Variants in ZNF521 observed in about 807,000 individuals in gnomAD.
The protein encoded by ZNF521 is LYST-interacting protein 3.
In ZNF521, 14 loss-of-function variants were observed where a neutral mutation model predicts 105.5. The observed-to-expected ratio is 0.13, with a 90% CI of 0.09 to 0.21. The LOEUF (loss-of-function observed/expected upper bound fraction) is 0.21. ZNF521 is among the 10% of genes least tolerant of loss of function. The pLI is 1.00. For missense variants in ZNF521, 1,233 were observed against 1,629.7 expected (o/e 0.76, Z 4.19); for synonymous variants, 635 against 606.0 (o/e 1.05, Z -0.70).
intron 5 of ZNF521, among the ~76,000 whole-genome samples, chr18:25,154,790 G>A (rs2035111811): frequency 2.0e-5 from 3 of 152,150 alleles, no homozygotes; most frequent in Admixed American, 1.3e-4. Context: ...GATGACTCAT[G>A]CATTGATGAA....
intron 4 of ZNF521, among the ~76,000 whole-genome samples, chr18:25,209,664 C>T (rs1289126688): frequency 6.6e-6 from 1 of 152,118 alleles, no homozygotes; most frequent in Admixed American, 6.6e-5. Flanking sequence ...CTTTCATGTC[C>T]AATTTTTACT....
chr18:25,075,149 G>A (rs1218018350), intron 7 of ZNF521, among the ~76,000 whole-genome samples: 1 of 152,112 alleles, frequency 6.6e-6, no homozygotes, highest in Admixed American at 6.5e-5. Flanking sequence ...GCCAGGCAAC[G>A]GGAGGCCTCA....
intron 2 of ZNF521, chr18:25,322,471 TC>T (rs1402386423): frequency 7.3e-6 from 3 of 412,442 alleles, no homozygotes; most frequent in Non-Finnish European, 9.0e-6. Flanking sequence ...ACCATTTTTT[TC>T]ATAGCCTTTT....
chr18:25,188,348 C>T (rs1328585950), intron 5 of ZNF521, among the ~76,000 whole-genome samples: 1 of 152,112 alleles, frequency 6.6e-6, no homozygotes, highest in Admixed American at 6.5e-5. Flanking sequence ...CATATTGGCT[C>T]CCTTTCCTTT....
chr18:25,282,440 G>A (rs996730408), intron 3 of ZNF521, among the ~76,000 whole-genome samples: 28 of 152,142 alleles, frequency 1.8e-4, no homozygotes, highest in Admixed American at 6.6e-4. Context: ...CCTTAGGGGA[G>A]GCAGCACCCG....
intron 5 of ZNF521, among the ~76,000 whole-genome samples, chr18:25,134,036 C>G (rs924335098): frequency 6.6e-6 from 1 of 152,132 alleles, no homozygotes; most frequent in South Asian, 2.1e-4. Flanking sequence ...TATTACTACA[C>G]TCTTTTGGTG....
At chr18:25,252,571 A>G (rs1908193316) in intron 3 of ZNF521, among the ~76,000 whole-genome samples, 1 of 151,962 alleles carries the variant, frequency 6.6e-6, no homozygotes, top group Admixed American at 6.6e-5. Flanking sequence ...ATAAAATACC[A>G]TAGGCTAGGA....
intron 5 of ZNF521, among the ~76,000 whole-genome samples, chr18:25,121,111 ATTTTTT>A (rs5823467): frequency 8.4e-6 from 1 of 118,678 alleles, no homozygotes; most frequent in Non-Finnish European, 1.7e-5. Context: ...AAGAAGGAGT[ATTTTTT>A]TTTTTTTTTT....
At chr18:25,210,435 A>G (rs924390764) in intron 4 of ZNF521, among the ~76,000 whole-genome samples, 5 of 152,200 alleles carry the variant, frequency 3.3e-5, no homozygotes, top group African/African-American at 1.2e-4. Context: ...AGACTCAGTT[A>G]AAGGTTTGCT....
chr18:25,341,118 T>A (rs1222949652), intron 2 of ZNF521, among the ~76,000 whole-genome samples: 1 of 152,188 alleles, frequency 6.6e-6, no homozygotes, highest in Non-Finnish European at 1.5e-5. Flanking sequence ...ACACCCAATA[T>A]CATTATCCTT....
intron 5 of ZNF521, among the ~76,000 whole-genome samples, chr18:25,139,617 G>C (rs1401750679): frequency 6.6e-6 from 1 of 151,952 alleles, no homozygotes; most frequent in Non-Finnish European, 1.5e-5. Flanking sequence ...AATGTTACCT[G>C]ACCTGCCCAT....
rs552741352 is a variant in ZNF521, at chr18:25,281,848, TA to T, written c.220+40159del. On this transcript the variant is annotated intron_variant, in intron 3 of 7. Coordinates refer to ENST00000361524, the MANE Select transcript of ZNF521 (RefSeq NM_015461.3). ...TATCTTACCAGGCAAGTGGCTAGAA[TA>T]AAGCATGCGGTCAAAAATAACGGAA... Among the ~76,000 whole-genome samples the T allele has an allele frequency of 5.0e-3, 765 of 152,050 alleles. 5 individuals are homozygous for T. The highest frequency in any genetic ancestry group is 0.01 in the Middle Eastern group (3 of 294).
chr18:25,191,939 C>T (rs1568002448), intron 5 of ZNF521, among the ~76,000 whole-genome samples: 1 of 152,082 alleles, frequency 6.6e-6, no homozygotes, highest in Non-Finnish European at 1.5e-5. Context: ...GAAATTAAAG[C>T]ACGTAATACA....
chr18:25,130,948 A>C lies in ZNF521; in HGVS notation c.3659-38867T>G, dbSNP rs531397912. Among the ~76,000 whole-genome samples the C allele has an allele frequency of 9.4e-5, 7 of 74,738 alleles. No homozygotes were observed. In the South Asian group the frequency reaches 2.7e-3, roughly 28 times the overall value. 49.0% of individuals were successfully genotyped at this position (74,738 alleles called of 152,430 possible). A position where few individuals can be genotyped will look rare whatever the true frequency, so the allele number is the denominator to read the frequency against. On this transcript the variant is annotated intron_variant, in intron 5 of 7. Transcript: ENST00000361524. Reference sequence around the variant, plus strand: ...AAAGAATGAGATCCTGTCTCTAAAAATCAATCAATCAATCAATCAATCAAT... The same window carrying C: ...AAAGAATGAGATCCTGTCTCTAAAACTCAATCAATCAATCAATCAATCAAT...
At position 25,211,509 on chromosome 18, in the gene ZNF521, T is replaced by C. The variant is rs186098671; in HGVS notation, c.3573+12836A>G. On this transcript the variant is annotated intron_variant, in intron 4 of 7. Coordinates refer to ENST00000361524, the MANE Select transcript of ZNF521 (RefSeq NM_015461.3). ...AATAATGAGAATAAATATTTTCACA[T>C]GTTCACTGGACCTTCATGCTTCCTA... Among the ~76,000 whole-genome samples the C allele has an allele frequency of 2.1e-4, 32 of 152,346 alleles. 2 individuals are homozygous for C. The highest frequency in any genetic ancestry group is 2.0e-3 in the Admixed American group (30 of 15,308).
At chr18:25,336,484 T>C (rs962355124) in intron 2 of ZNF521, among the ~76,000 whole-genome samples, 1 of 152,190 alleles carries the variant, frequency 6.6e-6, no homozygotes, top group Admixed American at 6.5e-5. Context: ...AAGACACCAA[T>C]CCGACTTACC....
intron 5 of ZNF521, among the ~76,000 whole-genome samples, chr18:25,162,731 C>T (rs1032099057): frequency 6.6e-6 from 1 of 152,096 alleles, no homozygotes; most frequent in Non-Finnish European, 1.5e-5. Context: ...GTGGTTCCTA[C>T]AAGAATAAAT....
intron 7 of ZNF521, among the ~76,000 whole-genome samples, chr18:25,072,151 C>T (rs1194817833): frequency 1.3e-5 from 2 of 152,294 alleles, no homozygotes; most frequent in Non-Finnish European, 2.9e-5. Flanking sequence ...AAGCCCATGG[C>T]GGTTACCATG....
chr18:25,194,371 A>G (rs2035868480), intron 5 of ZNF521, among the ~76,000 whole-genome samples: 1 of 151,852 alleles, frequency 6.6e-6, no homozygotes, highest in South Asian at 2.1e-4. Flanking sequence ...GATCTGCTTG[A>G]TAAAGTTTAA....
Sources: gnomAD v4.1 joint callset for allele counts (sites outside exome capture counted in the v4.1 genomes callset) on GRCh38, gnomAD v4.1.1 for gene constraint, MANE v1.5 for transcripts, NCBI Gene and HGNC (gene_info 2026-07-23, HGNC 2026-07-21) for gene names.